The following TMEM132B variants were observed in gnomAD, a reference collection of about 807,000 sequenced individuals.
TMEM132B encodes transmembrane protein 132B.
A neutral mutation model predicts 90.8 loss-of-function variants in TMEM132B; 18 were observed. The ratio of observed to expected loss-of-function variants is 0.20; its 90% CI spans 0.14 to 0.29. The LOEUF (loss-of-function observed/expected upper bound fraction) is 0.29. Ranked by LOEUF, TMEM132B falls within the 10% of genes least tolerant of loss-of-function variation. TMEM132B has a pLI of 1.00. For missense variants in TMEM132B, 1,096 were observed against 1,326.8 expected, an observed-to-expected ratio of 0.83 and a Z score of 2.70; for synonymous variants, 504 against 523.3, an observed-to-expected ratio of 0.96 and a Z score of 0.50.
At chr12:125,392,278 T>TG (rs1879047029) in intron 2 of TMEM132B, among the ~76,000 whole-genome samples, 1 of 152,098 alleles carries the variant, frequency 6.6e-6, no homozygotes, top group African/African-American at 2.4e-5. Flanking sequence ...GCTAGTTTAG[T>TG]GGGGACAATT....
At chr12:125,189,537 G>T (rs1157485451) in intron 1 of TMEM132B, among the ~76,000 whole-genome samples, 1 of 150,914 alleles carries the variant, frequency 6.6e-6, no homozygotes, top group African/African-American at 2.4e-5. Flanking sequence ...TGGGGGGGGT[G>T]CCTGTGTGTG....
chr12:125,648,477 G>T (rs1439583180), intron 6 of TMEM132B, among the ~76,000 whole-genome samples: 1 of 149,432 alleles, frequency 6.7e-6, no homozygotes, highest in Admixed American at 6.7e-5. Flanking sequence ...TTTTCCTATA[G>T]TTAGGAAGAT....
chr12:125,291,224 G>A (rs1875529761), intron 1 of TMEM132B, among the ~76,000 whole-genome samples: 1 of 152,174 alleles, frequency 6.6e-6, no homozygotes, highest in South Asian at 2.1e-4. Flanking sequence ...CCCAGAAGAA[G>A]GCCCTCACCA....
intron 1 of TMEM132B, among the ~76,000 whole-genome samples, chr12:125,345,041 G>C (rs10161299): frequency 6.6e-6 from 1 of 151,986 alleles, no homozygotes; most frequent in African/African-American, 2.4e-5. Flanking sequence ...GATTATTCCC[G>C]CGGTACCCAG....
At chr12:125,409,575 T>TGGAGTGGAATGGAGTGGAGTGGA (rs1879630242) in intron 2 of TMEM132B, among the ~76,000 whole-genome samples, 2 of 119,452 alleles carry the variant, frequency 1.7e-5, no homozygotes, top group African/African-American at 3.6e-5. Context: ...GTGGAGTGAG[T>TGGAGTGGAATGGAGTGGAGTGGA]GGAGTGGAGT....
At position 125,239,953 on chromosome 12, in the gene TMEM132B, G is replaced by C. The variant is rs186115393; in HGVS notation, c.67+53087G>C. Among the ~76,000 whole-genome samples, 168 of 152,332 alleles carry C rather than the reference G, an allele frequency of 1.1e-3. 2 individuals carry two copies. Among genetic ancestry groups the C allele is most frequent in the Admixed American group, 7.7e-3 (118 of 15,310 alleles). On this transcript the variant is annotated intron_variant, in intron 1 of 8. Transcript: ENST00000682704. ...GCCTTATTGCAGTGGCTTCCAGATGGTGGTTGTGGCGTGATTTTGGAGCTA... is the reference window on the plus strand; with the variant it reads ...GCCTTATTGCAGTGGCTTCCAGATGCTGGTTGTGGCGTGATTTTGGAGCTA...
chr12:125,601,299 A>T (rs1885565600), intron 5 of TMEM132B, among the ~76,000 whole-genome samples: 1 of 152,234 alleles, frequency 6.6e-6, no homozygotes, highest in Non-Finnish European at 1.5e-5. Context: ...AGAACTAAGG[A>T]TTAAGAAACT....
intron 4 of TMEM132B, among the ~76,000 whole-genome samples, chr12:125,532,637 C>T (rs988042926): frequency 6.6e-6 from 1 of 151,926 alleles, no homozygotes; most frequent in African/African-American, 2.4e-5. Flanking sequence ...GCCCCAGCCT[C>T]TTGAGTAGCT....
intron 3 of TMEM132B, among the ~76,000 whole-genome samples, chr12:125,450,832 C>CT (rs1881129459): frequency 1.3e-5 from 2 of 152,082 alleles, no homozygotes; most frequent in Admixed American, 1.3e-4. Flanking sequence ...ACATGGACAC[C>CT]CATTGCCCCC....
intron 5 of TMEM132B, among the ~76,000 whole-genome samples, chr12:125,630,219 T>C (rs79766619): frequency 0.017 from 2,582 of 152,198 alleles, 93 homozygotes; most frequent in African/African-American, 0.059. Context: ...TTGGTATTAA[T>C]TCTTCTTTAA....
chr12:125,660,890 A>G lies in TMEM132B; in HGVS notation c.*6180A>G, dbSNP rs67538593. On this transcript the variant is annotated 3_prime_UTR_variant, in exon 9 of 9. Coordinates refer to ENST00000682704, the MANE Select transcript of TMEM132B (RefSeq NM_001366854.1). ...AACTGAGAGGATAGAAGACCTCTCT[A>G]TACATCTACATTGCCCATTGGAGTA... is the stretch of plus-strand genomic sequence containing the variant. 20,255 of 152,240 alleles carry G rather than the reference A, an allele frequency of 0.13. 1,590 individuals are homozygous for G. The highest frequency in any genetic ancestry group is 0.23 in the South Asian group (1,093 of 4,822). 9.4% of individuals were successfully genotyped at this position (152,240 alleles called of 1,614,324 possible). A position where few individuals can be genotyped will look rare whatever the true frequency, so the allele number is the denominator to read the frequency against.
At chr12:125,438,476 A>G (rs1282256086) in intron 3 of TMEM132B, among the ~76,000 whole-genome samples, 1 of 152,230 alleles carries the variant, frequency 6.6e-6, no homozygotes, top group African/African-American at 2.4e-5. Flanking sequence ...CTTTAAAGGG[A>G]CAAGTTGTTT....
chr12:125,606,868 A>G (rs78484739), intron 5 of TMEM132B, among the ~76,000 whole-genome samples: 1,551 of 152,318 alleles, frequency 0.01, 11 homozygotes, highest in Non-Finnish European at 0.016. Flanking sequence ...AGAAGACCTG[A>G]GCAAATATCC....
At chr12:125,189,259 C>A (rs1957781190) in intron 1 of TMEM132B, among the ~76,000 whole-genome samples, 1 of 152,194 alleles carries the variant, frequency 6.6e-6, no homozygotes. Context: ...ATTATTCGAG[C>A]CACTTTTGTA....
At chr12:125,517,382 CG>C (rs1883193427) in intron 3 of TMEM132B, among the ~76,000 whole-genome samples, 2 of 118,068 alleles carry the variant, frequency 1.7e-5, no homozygotes, top group Non-Finnish European at 3.3e-5. Context: ...TTAGTAGAGA[CG>C]GGGTTTCACT....
At chr12:125,301,080 ATTTCT>A (rs1386731202) in intron 1 of TMEM132B, 1 of 152,096 alleles carries the variant, frequency 6.6e-6, no homozygotes, top group Non-Finnish European at 1.5e-5. Context: ...TATTTAAAAA[ATTTCT>A]TTAGTTGAAA....
At chr12:125,309,602 A>G (rs1377949831) in intron 1 of TMEM132B, among the ~76,000 whole-genome samples, 1 of 152,180 alleles carries the variant, frequency 6.6e-6, no homozygotes, top group Non-Finnish European at 1.5e-5. Context: ...GGCAAAAATC[A>G]GCACTTCTGC....
chr12:125,250,189 C>T (rs1874288646), intron 1 of TMEM132B, among the ~76,000 whole-genome samples: 1 of 152,240 alleles, frequency 6.6e-6, no homozygotes, highest in Admixed American at 6.5e-5. Context: ...CTGGGCGGCA[C>T]ACCCCAGTGC....
At chr12:125,273,690 G>A (rs1874908458) in intron 1 of TMEM132B, among the ~76,000 whole-genome samples, 1 of 152,152 alleles carries the variant, frequency 6.6e-6, no homozygotes, top group Non-Finnish European at 1.5e-5. Flanking sequence ...ATTTTCTCTT[G>A]TTGTCACTAA....
Sources: allele counts gnomAD v4.1 joint callset (sites outside exome capture counted in the v4.1 genomes callset), GRCh38; gene constraint gnomAD v4.1.1; transcripts MANE v1.5; gene names NCBI Gene and HGNC (gene_info 2026-07-23, HGNC 2026-07-21).